EYA4: variants seen among roughly 807,000 people sequenced by gnomAD.
EYA4 encodes the protein EYA transcriptional coactivator and phosphatase 4.
A neutral mutation model predicts 87.9 loss-of-function variants in EYA4; 31 were observed. That is an observed-to-expected ratio of 0.35 (90% CI 0.27 to 0.48). The LOEUF is 0.48. Among genes scored for constraint, EYA4 ranks in the 20% least tolerant of loss-of-function variants. The pLI, the probability that EYA4 is intolerant of heterozygous loss-of-function variation, is 0.99. For synonymous variants in EYA4, 263 were observed against 270.6 expected, an observed-to-expected ratio of 0.97 and a Z score of 0.28; for missense variants, 678 against 761.4, an observed-to-expected ratio of 0.89 and a Z score of 1.29.
intron 2 of EYA4, among the ~76,000 whole-genome samples, chr6:133,337,095 G>A (rs776358143): frequency 3.9e-5 from 6 of 152,174 alleles, no homozygotes; most frequent in Admixed American, 1.3e-4. Context: ...CATCGGCAGC[G>A]TAAATGTGTG....
intron 1 of EYA4, among the ~76,000 whole-genome samples, chr6:133,267,137 A>G (rs890786519): frequency 2.6e-5 from 4 of 152,204 alleles, no homozygotes; most frequent in African/African-American, 9.6e-5. Flanking sequence ...AAACCATTTT[A>G]GCATCATTTG....
chr6:133,382,553 G>A (rs4895963), intron 3 of EYA4, 112 bp downstream of exon 3: 2 of 819,690 alleles, frequency 2.4e-6, no homozygotes, highest in African/African-American at 1.7e-5. Flanking sequence ...GCTTCTTGAA[G>A]AACTTATCTT....
chr6:133,258,562 G>C (rs572126031), intron 1 of EYA4, among the ~76,000 whole-genome samples: 2 of 152,242 alleles, frequency 1.3e-5, no homozygotes, highest in South Asian at 4.1e-4. Flanking sequence ...AGAGACTTCA[G>C]AGTACGTAGT....
chr6:133,393,279 C>T (rs1158757399), intron 3 of EYA4, among the ~76,000 whole-genome samples: 3 of 152,096 alleles, frequency 2.0e-5, no homozygotes, highest in African/African-American at 7.2e-5. Context: ...CAATTAAATG[C>T]TTATTCTCCC....
intron 2 of EYA4, among the ~76,000 whole-genome samples, chr6:133,372,186 A>G (rs1052641770): frequency 3.9e-5 from 6 of 152,174 alleles, no homozygotes; most frequent in African/African-American, 1.2e-4. Flanking sequence ...GAAGTTACAC[A>G]GTTAATGATG....
chr6:133,424,671 C>T (rs893287278), intron 3 of EYA4, among the ~76,000 whole-genome samples: 3 of 142,270 alleles, frequency 2.1e-5, no homozygotes, highest in Non-Finnish European at 4.4e-5. Context: ...TTGTCCCCAG[C>T]TCCTGCCTTC....
At chr6:133,525,446 G>A (rs927427107) in intron 19 of EYA4, among the ~76,000 whole-genome samples, 192 bp downstream of exon 19, 1 of 152,086 alleles carries the variant, frequency 6.6e-6, no homozygotes, top group African/African-American at 2.4e-5. Context: ...CCTGAAATTT[G>A]ATAGGAAATG....
intron 1 of EYA4, among the ~76,000 whole-genome samples, chr6:133,256,299 A>G (rs532261161): frequency 6.6e-6 from 1 of 151,872 alleles, no homozygotes; most frequent in East Asian, 1.9e-4. Flanking sequence ...GTAAGCCCAA[A>G]TGTTAGGAAG....
intron 3 of EYA4, among the ~76,000 whole-genome samples, chr6:133,396,166 G>T (rs758022331): frequency 6.6e-6 from 1 of 152,016 alleles, no homozygotes; most frequent in Non-Finnish European, 1.5e-5. Flanking sequence ...TTTAGGCTTG[G>T]CTTCCATAGG....
intron 3 of EYA4, among the ~76,000 whole-genome samples, chr6:133,434,841 A>G (rs544909041): frequency 6.6e-6 from 1 of 152,256 alleles, no homozygotes; most frequent in Admixed American, 6.5e-5. Context: ...AAACAGTGAT[A>G]TGTTTCTTAG....
chr6:133,507,618 A>G (rs1161508986), intron 14 of EYA4, among the ~76,000 whole-genome samples: 1 of 152,114 alleles, frequency 6.6e-6, no homozygotes, highest in Non-Finnish European at 1.5e-5. Flanking sequence ...GAGTGAGAAC[A>G]TGCATTGTTT....
chr6:133,291,473 A>G (rs1457000979), intron 2 of EYA4, among the ~76,000 whole-genome samples: 2 of 152,174 alleles, frequency 1.3e-5, no homozygotes, highest in Non-Finnish European at 2.9e-5. Flanking sequence ...TCTTTGGCAA[A>G]TTGATATAAA....
intron 14 of EYA4, 150 bp from the exon 15 acceptor site, chr6:133,512,571 A>G (rs556333887): frequency 1.4e-6 from 1 of 710,240 alleles, no homozygotes; most frequent in East Asian, 2.6e-5. Flanking sequence ...ATTTCCCAAC[A>G]GAAGAAAACA....
chr6:133,418,546 A>G (rs372360920), intron 3 of EYA4, among the ~76,000 whole-genome samples: 2 of 152,238 alleles, frequency 1.3e-5, no homozygotes, highest in African/African-American at 4.8e-5. Flanking sequence ...ATATATACAC[A>G]TACATTATAT....
At chr6:133,468,838 T>G (rs906794683) in intron 11 of EYA4, 107 bp downstream of exon 11, 3 of 1,111,396 alleles carry the variant, frequency 2.7e-6, no homozygotes, top group African/African-American at 3.1e-5. Context: ...CAGATAATTG[T>G]GCTGATGTTT....
At chr6:133,381,317 A>G (rs554499188) in intron 2 of EYA4, among the ~76,000 whole-genome samples, 27 of 152,150 alleles carry the variant, frequency 1.8e-4, no homozygotes, top group African/African-American at 6.0e-4. Context: ...GATTTTTGAA[A>G]ATGTAGGGTT....
At chr6:133,512,437 A>G in intron 14 of EYA4, among the ~76,000 whole-genome samples, 2 of 152,376 alleles carry the variant, frequency 1.3e-5, no homozygotes, top group Middle Eastern at 6.8e-3. Context: ...AGAATTTCTT[A>G]TCAATAATTT....
chr6:133,431,055 A>G (rs1029021164), intron 3 of EYA4, among the ~76,000 whole-genome samples: 1 of 152,196 alleles, frequency 6.6e-6, no homozygotes, highest in Non-Finnish European at 1.5e-5. Flanking sequence ...AATCAAGTGC[A>G]GAGGTCCTCA....
chr6:133,524,634 G>A (rs1322356985), intron 18 of EYA4, among the ~76,000 whole-genome samples: 3 of 152,034 alleles, frequency 2.0e-5, no homozygotes, highest in Non-Finnish European at 4.4e-5. Context: ...TTTTTTTAGC[G>A]GTGAACCTTC....
Sources: allele counts gnomAD v4.1 joint callset (sites outside exome capture counted in the v4.1 genomes callset), GRCh38; gene constraint gnomAD v4.1.1; transcripts MANE v1.5; gene names NCBI Gene and HGNC (gene_info 2026-07-23, HGNC 2026-07-21).